The following LHFPL1 variants were observed in gnomAD, a reference collection of about 807,000 sequenced individuals.
The protein encoded by LHFPL1 is LHFPL tetraspan subfamily member 1 protein.
In LHFPL1, 4 loss-of-function variants were observed where a neutral mutation model predicts 12.1. That is an observed-to-expected ratio of 0.33 (90% CI 0.16 to 0.76). The LOEUF (loss-of-function observed/expected upper bound fraction) is 0.76, where lower values mean the gene tolerates loss of function less well. LHFPL1 is among the 30% of genes least tolerant of loss of function. The pLI, the probability that LHFPL1 is intolerant of heterozygous loss-of-function variation, is 0.61. For missense variants in LHFPL1, 141 were observed against 174.1 expected (o/e 0.81, Z 1.07); for synonymous variants, 52 against 61.9 (o/e 0.84, Z 0.75).
chrX:112,642,611 C>CTCT (rs1406013812), intron 3 of LHFPL1, among the ~76,000 whole-genome samples: 1 of 108,555 alleles, frequency 9.2e-6, no homozygotes, highest in Non-Finnish European at 1.9e-5. Context: ...CTACTAGGCC[C>CTCT]TCTGCAAGGC....
chrX:112,641,939 T>C (rs1930521267), intron 3 of LHFPL1, among the ~76,000 whole-genome samples: 1 of 112,246 alleles, frequency 8.9e-6, no homozygotes, highest in Admixed American at 9.4e-5. Context: ...CTTGATGCAG[T>C]GCTAGCAGCT....
chrX:112,655,886 G>T (rs1930985380), intron 3 of LHFPL1, among the ~76,000 whole-genome samples: 1 of 111,781 alleles, frequency 8.9e-6, no homozygotes, highest in Non-Finnish European at 1.9e-5. Flanking sequence ...ACTCATTTAT[G>T]AACTAGGTCC....
chrX:112,647,647 G>A (rs1930733343), intron 3 of LHFPL1, among the ~76,000 whole-genome samples: 2 of 112,028 alleles, frequency 1.8e-5, no homozygotes. Flanking sequence ...CAGTTAGGAT[G>A]GTGATCATTA....
intron 1 of LHFPL1, among the ~76,000 whole-genome samples, chrX:112,671,868 TTTTCAG>T (rs940138593): frequency 1.8e-5 from 2 of 111,374 alleles, no homozygotes; most frequent in African/African-American, 6.5e-5. Flanking sequence ...AGCAAAGTTG[TTTTCAG>T]TGAGTGAAGG....
chrX:112,631,606 G>T lies in LHFPL1; in HGVS notation c.482-5C>A, dbSNP rs752902750. On this transcript the variant is annotated splice_region_variant and splice_polypyrimidine_tract_variant and intron_variant, in intron 3 of 3. Coordinates refer to ENST00000371968, the MANE Select transcript of LHFPL1 (RefSeq NM_178175.4). The stretch of plus-strand genomic sequence containing the variant: ...CCCAGCCAAGCCGACAGGTACCTGT[G>T]AGAACAGGGACAGAGAATGAGGATT... 2.6e-6 allele frequency: 3 copies of T among 1,169,665 alleles called. No homozygotes were observed. The African/African-American group carries it at 5.3e-5, about 21-fold the overall frequency.
chrX:112,631,190 C>T lies in LHFPL1; in HGVS notation c.*230G>A, dbSNP rs1031857141. The stretch of plus-strand genomic sequence containing the variant: ...GGTACTTTGGGTCTTCGGGTTAGCA[C>T]GACTTGCCAGTTGGGTAAATGTCTG... On this transcript the variant is annotated 3_prime_UTR_variant, in exon 4 of 4. Transcript: ENST00000371968. 4.0e-5 allele frequency: 13 copies of T among 321,171 alleles called. No homozygotes were observed. The highest frequency in any genetic ancestry group is 2.3e-4 in the East Asian group (5 of 21,502). 26.5% of individuals were successfully genotyped at this position (321,171 alleles called of 1,213,427 possible). A position where few individuals can be genotyped will look rare whatever the true frequency, so the allele number is the denominator to read the frequency against.
At chrX:112,674,357 A>G (rs1470269204) in intron 1 of LHFPL1, among the ~76,000 whole-genome samples, 1 of 111,919 alleles carries the variant, frequency 8.9e-6, no homozygotes, top group Non-Finnish European at 1.9e-5. Context: ...TAACATTGAA[A>G]AAACCCTTCT....
chrX:112,673,011 T>G (rs1405321378), intron 1 of LHFPL1, among the ~76,000 whole-genome samples: 1 of 111,544 alleles, frequency 9.0e-6, no homozygotes, highest in Non-Finnish European at 1.9e-5. Context: ...GGCCAGTACT[T>G]TTCTACCACA....
chrX:112,675,763 T>A (rs2147734935), intron 1 of LHFPL1, among the ~76,000 whole-genome samples: 1 of 111,731 alleles, frequency 9.0e-6, no homozygotes, highest in Non-Finnish European at 1.9e-5. Context: ...GGACTAGAGA[T>A]GTTGTGGGCT....
chrX:112,668,074 C>T (rs1209842411), intron 2 of LHFPL1, among the ~76,000 whole-genome samples: 2 of 111,450 alleles, frequency 1.8e-5, no homozygotes, highest in East Asian at 2.8e-4. Flanking sequence ...TCGGTTAATG[C>T]GCTAGCTGCC....
intron 2 of LHFPL1, 91 bp downstream of exon 2, chrX:112,670,918 G>T: frequency 1.0e-6 from 1 of 974,077 alleles, no homozygotes. Context: ...AGTGAAGGGG[G>T]TGAGAATGGG....
chrX:112,643,239 C>T (rs1930576164), intron 3 of LHFPL1, among the ~76,000 whole-genome samples: 1 of 107,961 alleles, frequency 9.3e-6, no homozygotes, highest in Non-Finnish European at 1.9e-5. Context: ...ATTAGCCGGG[C>T]GTGGTGGTGC....
At chrX:112,659,745 A>G (rs1485609211) in intron 3 of LHFPL1, among the ~76,000 whole-genome samples, 1 of 111,699 alleles carries the variant, frequency 9.0e-6, no homozygotes, top group African/African-American at 3.3e-5. Flanking sequence ...CAGAAATATT[A>G]TGTTTACCAG....
intron 3 of LHFPL1, among the ~76,000 whole-genome samples, chrX:112,650,204 T>C (rs1174402495): frequency 9.0e-6 from 1 of 111,042 alleles, no homozygotes; most frequent in African/African-American, 3.3e-5. Flanking sequence ...AAAAAATTCC[T>C]CCTCATTGCA....
intron 3 of LHFPL1, among the ~76,000 whole-genome samples, chrX:112,639,676 G>T (rs755483000): frequency 1.8e-4 from 20 of 112,051 alleles, no homozygotes; most frequent in Non-Finnish European, 3.4e-4. Context: ...CTCATGTTTT[G>T]CCAACCTGTA....
At chrX:112,639,555 G>A (rs1930442591) in intron 3 of LHFPL1, among the ~76,000 whole-genome samples, 1 of 111,757 alleles carries the variant, frequency 8.9e-6, no homozygotes, top group Admixed American at 9.5e-5. Context: ...CGACAGAAAT[G>A]CCCTGATTTG....
intron 3 of LHFPL1, among the ~76,000 whole-genome samples, chrX:112,648,346 T>A (rs1930757472): frequency 9.0e-6 from 1 of 111,566 alleles, no homozygotes; most frequent in South Asian, 3.7e-4. Flanking sequence ...ATATCCTTAA[T>A]AATGTGGTTT....
intron 1 of LHFPL1, among the ~76,000 whole-genome samples, chrX:112,673,194 T>G (rs1931559331): frequency 8.9e-6 from 1 of 111,738 alleles, no homozygotes; most frequent in East Asian, 2.8e-4. Context: ...TTGATACATA[T>G]GTATTTTGTG....
At chrX:112,665,544 C>T (rs1931308741) in intron 2 of LHFPL1, among the ~76,000 whole-genome samples, 1 of 111,665 alleles carries the variant, frequency 9.0e-6, no homozygotes, top group Non-Finnish European at 1.9e-5. Flanking sequence ...TCTAATCTCA[C>T]ATGCCTCTAG....
Sources: gnomAD v4.1 joint callset for allele counts (sites outside exome capture counted in the v4.1 genomes callset) on GRCh38, gnomAD v4.1.1 for gene constraint, MANE v1.5 for transcripts, NCBI Gene and HGNC (gene_info 2026-07-23, HGNC 2026-07-21) for gene names.